The following GRM8 variants were observed in gnomAD, a reference collection of about 807,000 sequenced individuals.
The protein encoded by GRM8 is glutamate metabotropic receptor 8, also known as metabotropic glutamate receptor 8.
In GRM8, 47 loss-of-function variants were observed where a neutral mutation model predicts 87.2. The observed-to-expected ratio is 0.54, with a 90% CI of 0.43 to 0.69. GRM8 has a LOEUF of 0.69. Ranked by LOEUF, GRM8 falls within the 30% of genes least tolerant of loss-of-function variation. The pLI is 0.00. For missense variants in GRM8, 1,019 were observed against 1,139.2 expected (o/e 0.89, Z 1.52); for synonymous variants, 396 against 404.5 (o/e 0.98, Z 0.25).
intron 2 of GRM8, among the ~76,000 whole-genome samples, chr7:127,145,382 G>A (rs1285028969): frequency 6.6e-6 from 1 of 152,056 alleles, no homozygotes; most frequent in African/African-American, 2.4e-5. Flanking sequence ...TATAATAATT[G>A]TTTCAAGGAA....
At chr7:127,212,610 G>T (rs1796286405) in intron 2 of GRM8, among the ~76,000 whole-genome samples, 1 of 151,776 alleles carries the variant, frequency 6.6e-6, no homozygotes, top group South Asian at 2.1e-4. Flanking sequence ...GTAGAGACGG[G>T]GTTTCACCGT....
chr7:126,703,735 A>T lies in GRM8; in HGVS notation c.1357+66130T>A, dbSNP rs538107040. ...CTGCCATACCTGGCTAATTTTTAAA[A>T]TTTTTTTCTTGAGACAGAGTCTTGC... On this transcript the variant is annotated intron_variant, in intron 7 of 10. Coordinates refer to ENST00000339582, the MANE Select transcript of GRM8 (RefSeq NM_000845.3). 9.2e-4 allele frequency among the ~76,000 whole-genome samples: 140 copies of T among 151,954 alleles called. 1 individual carries two copies. The highest frequency in any genetic ancestry group is 1.9e-3 in the Admixed American group (29 of 15,248).
chr7:126,709,559 T>G (rs1810892509), intron 7 of GRM8, among the ~76,000 whole-genome samples: 1 of 152,164 alleles, frequency 6.6e-6, no homozygotes, highest in African/African-American at 2.4e-5. Flanking sequence ...AAATGAATCC[T>G]TGTACACTGT....
At chr7:126,993,187 T>C (rs890606484) in intron 3 of GRM8, among the ~76,000 whole-genome samples, 1 of 152,162 alleles carries the variant, frequency 6.6e-6, no homozygotes, top group Non-Finnish European at 1.5e-5. Flanking sequence ...AGAATTCCAT[T>C]TGTAGGCATA....
intron 7 of GRM8, among the ~76,000 whole-genome samples, chr7:126,766,028 A>G (rs1183116301): frequency 1.3e-5 from 2 of 152,108 alleles, no homozygotes; most frequent in African/African-American, 4.8e-5. Context: ...AGCTTTAGTT[A>G]GTTATTTTTT....
chr7:126,484,104 G>A (rs183924309), intron 9 of GRM8, among the ~76,000 whole-genome samples: 190 of 152,172 alleles, frequency 1.2e-3, no homozygotes, highest in African/African-American at 4.5e-3. Flanking sequence ...AAATGTCACA[G>A]TTCAAGTACT....
chr7:126,546,196 G>T (rs1817137242), intron 8 of GRM8, among the ~76,000 whole-genome samples: 1 of 152,142 alleles, frequency 6.6e-6, no homozygotes, highest in Admixed American at 6.6e-5. Flanking sequence ...TTAACATTTA[G>T]TGCTTATAAC....
chr7:127,173,862 GA>G (rs1289587135), intron 2 of GRM8, among the ~76,000 whole-genome samples: 7 of 152,166 alleles, frequency 4.6e-5, no homozygotes. Context: ...TAAGGGTCTA[GA>G]GGTGCTACCT....
intron 9 of GRM8, among the ~76,000 whole-genome samples, chr7:126,486,374 C>T (rs1337259333): frequency 6.6e-6 from 1 of 152,016 alleles, no homozygotes; most frequent in East Asian, 1.9e-4. Flanking sequence ...TGTGTCAGGA[C>T]TCCCTTTGTG....
chr7:127,115,955 A>AT (rs1295479036), intron 2 of GRM8, among the ~76,000 whole-genome samples: 3 of 152,114 alleles, frequency 2.0e-5, no homozygotes, highest in African/African-American at 7.2e-5. Context: ...CCATCTCTAT[A>AT]AAACATTAAA....
At chr7:126,836,940 A>G (rs1157288095) in intron 6 of GRM8, among the ~76,000 whole-genome samples, 1 of 152,242 alleles carries the variant, frequency 6.6e-6, no homozygotes, top group Non-Finnish European at 1.5e-5. Flanking sequence ...AAGTCATCCA[A>G]TTTCTCTGAG....
chr7:126,660,369 C>T (rs1805021975), intron 7 of GRM8, among the ~76,000 whole-genome samples: 1 of 152,104 alleles, frequency 6.6e-6, no homozygotes, highest in African/African-American at 2.4e-5. Flanking sequence ...GGCATAATAT[C>T]TGGCACATAA....
intron 8 of GRM8, among the ~76,000 whole-genome samples, chr7:126,557,229 T>C (rs930333429): frequency 6.6e-6 from 1 of 152,138 alleles, no homozygotes; most frequent in Non-Finnish European, 1.5e-5. Context: ...AACTTTGAAA[T>C]CTTAAAAGAG....
chr7:126,477,209 G>A (rs1806020963), intron 9 of GRM8, among the ~76,000 whole-genome samples: 1 of 152,068 alleles, frequency 6.6e-6, no homozygotes, highest in South Asian at 2.1e-4. Context: ...TAGAAGCAGA[G>A]ACTGAAATCT....
intron 7 of GRM8, among the ~76,000 whole-genome samples, chr7:126,740,924 C>G (rs1323186278): frequency 6.6e-6 from 1 of 152,024 alleles, no homozygotes; most frequent in African/African-American, 2.4e-5. Flanking sequence ...TAGAATAACC[C>G]AAAATACATC....
At chr7:126,722,429 A>C (rs1373630641) in intron 7 of GRM8, among the ~76,000 whole-genome samples, 1 of 152,146 alleles carries the variant, frequency 6.6e-6, no homozygotes, top group Non-Finnish European at 1.5e-5. Flanking sequence ...ATCATCCACT[A>C]GATGAATGTC....
At chr7:126,585,118 G>C (rs1188495305) in intron 8 of GRM8, among the ~76,000 whole-genome samples, 3 of 152,030 alleles carry the variant, frequency 2.0e-5, no homozygotes, top group Non-Finnish European at 4.4e-5. Context: ...ACTTATTAGA[G>C]TACCTTTTAA....
chr7:127,240,278 T>C (rs867548540), intron 2 of GRM8, among the ~76,000 whole-genome samples: 2 of 152,174 alleles, frequency 1.3e-5, no homozygotes, highest in African/African-American at 4.8e-5. Context: ...TGCCTTCAGG[T>C]GGCCTGGAGT....
chr7:127,078,617 T>A lies in GRM8; in HGVS notation c.727+27879A>T, dbSNP rs1002072990. 2.0e-5 allele frequency among the ~76,000 whole-genome samples: 3 copies of A among 152,364 alleles called. No homozygotes were observed. The South Asian group carries it at 6.2e-4, about 32-fold the overall frequency. The stretch of plus-strand genomic sequence containing the variant: ...GTGAAGATCCAAAGATGACTCAACA[T>A]GGCTCTTAGAGACACCCATTGTCGA... On this transcript the variant is annotated intron_variant, in intron 3 of 10. Coordinates refer to ENST00000339582, the MANE Select transcript of GRM8 (RefSeq NM_000845.3).
Sources: gnomAD v4.1 joint callset for allele counts (sites outside exome capture counted in the v4.1 genomes callset) on GRCh38, gnomAD v4.1.1 for gene constraint, MANE v1.5 for transcripts, NCBI Gene and HGNC (gene_info 2026-07-23, HGNC 2026-07-21) for gene names.